RIMS2: variants seen among roughly 807,000 people sequenced by gnomAD.
RIMS2 encodes regulating synaptic membrane exocytosis 2.
Under a neutral mutation model 174.4 loss-of-function variants are expected in RIMS2, and 59 were observed. The ratio of observed to expected loss-of-function variants is 0.34; its 90% CI spans 0.27 to 0.42. RIMS2 has a LOEUF of 0.42. Ranked by LOEUF, RIMS2 falls within the 10% of genes least tolerant of loss-of-function variation. RIMS2 has a pLI of 1.00. For missense variants in RIMS2, 1,620 were observed against 1,666.3 expected (o/e 0.97, Z 0.48); for synonymous variants, 606 against 572.5 (o/e 1.06, Z -0.84).
intron 19 of RIMS2, among the ~76,000 whole-genome samples, chr8:104,144,168 A>T (rs1017301060): frequency 6.6e-6 from 1 of 152,172 alleles, no homozygotes; most frequent in East Asian, 1.9e-4. Flanking sequence ...ACCATTCAGG[A>T]TACAACTTTT....
intron 10 of RIMS2, among the ~76,000 whole-genome samples, chr8:103,923,001 C>G (rs528979291): frequency 1.3e-5 from 2 of 151,238 alleles, no homozygotes; most frequent in Admixed American, 6.6e-5. Flanking sequence ...ATCTTTTTTC[C>G]TTTGTATTTC....
chr8:104,125,501 T>C (rs1044698858), intron 19 of RIMS2, among the ~76,000 whole-genome samples: 1 of 152,190 alleles, frequency 6.6e-6, no homozygotes, highest in African/African-American at 2.4e-5. Context: ...GTCATCATTG[T>C]TACTATTCAA....
intron 1 of RIMS2, among the ~76,000 whole-genome samples, chr8:103,599,565 A>G (rs565823502): frequency 6.6e-6 from 1 of 151,598 alleles, no homozygotes; most frequent in African/African-American, 2.4e-5. Context: ...CAGCCTCCAG[A>G]GTAGCAGGGA....
intron 1 of RIMS2, among the ~76,000 whole-genome samples, chr8:103,604,509 A>C (rs1384132016): frequency 6.6e-6 from 1 of 151,944 alleles, no homozygotes; most frequent in Non-Finnish European, 1.5e-5. Context: ...TATGAACTTT[A>C]AAGTAGTTTT....
chr8:103,874,002 A>G (rs917600388), intron 3 of RIMS2, among the ~76,000 whole-genome samples: 4 of 152,072 alleles, frequency 2.6e-5, no homozygotes, highest in African/African-American at 9.6e-5. Context: ...CCTCATTGAA[A>G]CTTCAGAAGT....
intron 19 of RIMS2, 63 bp downstream of exon 21, chr8:104,014,678 T>C: frequency 1.1e-6 from 1 of 946,296 alleles, no homozygotes; most frequent in Non-Finnish European, 1.7e-6. Flanking sequence ...TGAATCAAGA[T>C]TTTCTTATTA....
intron 19 of RIMS2, among the ~76,000 whole-genome samples, chr8:104,064,255 G>A (rs2097061238): frequency 1.3e-5 from 2 of 152,074 alleles, no homozygotes; most frequent in South Asian, 4.1e-4. Context: ...AATAGCTACA[G>A]AATATGTGAT....
At chr8:104,194,136 AT>A (rs1380189731) in intron 19 of RIMS2, among the ~76,000 whole-genome samples, 3 of 151,994 alleles carry the variant, frequency 2.0e-5, no homozygotes, top group African/African-American at 4.8e-5. Flanking sequence ...TATTAGGAGA[AT>A]TTTTTTCTTT....
Position 103,665,600 on chromosome 8 carries a change from T to C in RIMS2, c.177-31486T>C, listed in dbSNP as rs575202837. ...TTGTCTTACTGATTTCTATAACTTG[T>C]GATGTTACAATCTTAATTGGATATT... is the stretch of plus-strand genomic sequence containing the variant. On this transcript the variant is annotated intron_variant, in intron 1 of 23. Transcript: ENST00000504942. Among the ~76,000 whole-genome samples the C allele has an allele frequency of 7.9e-5, 12 of 152,358 alleles. No individual in the cohort carries two copies. The East Asian group carries it at 2.3e-3, about 29-fold the overall frequency.
At chr8:104,252,473 G>A (rs1350504222), downstream of RIMS2, 5 of 150,834 alleles carry the variant, frequency 3.3e-5, no homozygotes, top group Non-Finnish European at 7.4e-5. Context: ...AACTTTTTTT[G>A]CATGGACACA....
At chr8:104,107,233 T>C (rs1206781037) in intron 19 of RIMS2, among the ~76,000 whole-genome samples, 1 of 152,168 alleles carries the variant, frequency 6.6e-6, no homozygotes, top group Non-Finnish European at 1.5e-5. Flanking sequence ...TCTTTTTGAG[T>C]AAAGTACCTA....
At chr8:103,760,910 T>A (rs1457654762) in intron 2 of RIMS2, among the ~76,000 whole-genome samples, 1 of 152,224 alleles carries the variant, frequency 6.6e-6, no homozygotes, top group Non-Finnish European at 1.5e-5. Flanking sequence ...TAATAGTTAC[T>A]TGCCCATCTA....
chr8:103,824,119 A>G (rs895825709), intron 3 of RIMS2, among the ~76,000 whole-genome samples: 3 of 152,088 alleles, frequency 2.0e-5, no homozygotes, highest in African/African-American at 7.2e-5. Context: ...AATATACTAC[A>G]ATTATTAGTA....
intron 12 of RIMS2, among the ~76,000 whole-genome samples, chr8:103,935,887 T>C (rs1165895158): frequency 6.6e-6 from 1 of 152,176 alleles, no homozygotes; most frequent in East Asian, 1.9e-4. Context: ...TACAGAGATA[T>C]ACAACGAAAA....
intron 7 of RIMS2, among the ~76,000 whole-genome samples, chr8:103,916,080 C>T (rs560220858): frequency 1.3e-5 from 2 of 152,008 alleles, no homozygotes; most frequent in African/African-American, 4.8e-5. Flanking sequence ...TGCTCAGTTG[C>T]ACATATATTG....
chr8:104,161,620 G>A lies in RIMS2; in HGVS notation c.3335-83296G>A, dbSNP rs115391542. Among the ~76,000 whole-genome samples, 351 of 152,288 alleles carry A rather than the reference G, an allele frequency of 2.3e-3. 2 individuals carry two copies. The highest frequency in any genetic ancestry group is 7.6e-3 in the African/African-American group (317 of 41,546). Reference sequence around the variant, plus strand: ...AAATGATGAGGGCATGATCTATGGTGTATCAGTTTCCTATTGAGGCCGTAA... The same window carrying A: ...AAATGATGAGGGCATGATCTATGGTATATCAGTTTCCTATTGAGGCCGTAA... On this transcript the variant is annotated intron_variant, in intron 19 of 23. Coordinates refer to ENST00000504942, the Ensembl canonical transcript of RIMS2.
chr8:104,250,957 C>A, intron 22 of RIMS2, 67 bp from the exon 29 acceptor site: 1 of 1,380,430 alleles, frequency 7.2e-7, no homozygotes, highest in Non-Finnish European at 1.0e-6. Context: ...TGGTAAATGT[C>A]ACCGTGCGTC....
At chr8:103,785,550 C>G (rs1299413403) in intron 3 of RIMS2, among the ~76,000 whole-genome samples, 1 of 152,000 alleles carries the variant, frequency 6.6e-6, no homozygotes, top group East Asian at 1.9e-4. Flanking sequence ...GTCTTTGGTT[C>G]TGTTTATATG....
intron 1 of RIMS2, among the ~76,000 whole-genome samples, chr8:103,590,681 C>T (rs2094209445): frequency 6.6e-6 from 1 of 151,088 alleles, no homozygotes; most frequent in African/African-American, 2.4e-5. Context: ...CTTAGGAAGA[C>T]TTTTTTTCCC....
Sources: gnomAD v4.1 joint callset for allele counts (sites outside exome capture counted in the v4.1 genomes callset) on GRCh38, gnomAD v4.1.1 for gene constraint, MANE v1.5 for transcripts, NCBI Gene and HGNC (gene_info 2026-07-23, HGNC 2026-07-21) for gene names.